The following INPP5A variants were observed in gnomAD, a reference collection of about 807,000 sequenced individuals.
INPP5A encodes inositol polyphosphate-5-phosphatase A, also known as 43 kDa inositol polyphosphate 5-phophatase.
In INPP5A, 14 loss-of-function variants were observed where a neutral mutation model predicts 65.2. The observed-to-expected ratio is 0.21, with a 90% CI of 0.14 to 0.34. The LOEUF is 0.34. Ranked by LOEUF, INPP5A falls within the 10% of genes least tolerant of loss-of-function variation. INPP5A has a pLI of 1.00. For missense variants in INPP5A, 431 were observed against 545.6 expected (o/e 0.79, Z 2.09); for synonymous variants, 207 against 208.3 (o/e 0.99, Z 0.05).
At chr10:132,735,112 T>C (rs539995785) in intron 9 of INPP5A, among the ~76,000 whole-genome samples, 89 of 152,240 alleles carry the variant, frequency 5.8e-4, no homozygotes, top group African/African-American at 2.1e-3. Flanking sequence ...TGGGTTAGAG[T>C]GAGACCCTGT....
chr10:132,599,348 G>A (rs947066599), intron 1 of INPP5A, among the ~76,000 whole-genome samples: 4 of 152,328 alleles, frequency 2.6e-5, no homozygotes, highest in South Asian at 2.1e-4. Flanking sequence ...ATGCAAGTCC[G>A]AAATCCAGCG....
intron 6 of INPP5A, among the ~76,000 whole-genome samples, chr10:132,700,648 C>G (rs892080279): frequency 6.6e-6 from 1 of 152,162 alleles, no homozygotes; most frequent in Non-Finnish European, 1.5e-5. Flanking sequence ...TGGCCGGGCC[C>G]GCCCCTCCCT....
chr10:132,719,883 C>G (rs1221400695), intron 8 of INPP5A, among the ~76,000 whole-genome samples: 2 of 150,196 alleles, frequency 1.3e-5, no homozygotes, highest in African/African-American at 4.9e-5. Flanking sequence ...CCTTAGACGG[C>G]TGTCTTCAGG....
chr10:132,646,078 C>G, intron 3 of INPP5A, 110 bp downstream of exon 3: 1 of 706,888 alleles, frequency 1.4e-6, no homozygotes, highest in Non-Finnish European at 2.5e-6. Flanking sequence ...CGGGACTCAC[C>G]TGGGGGTCAT....
Position 132,699,024 on chromosome 10 carries a change from G to A in INPP5A, c.474+1105G>A, listed in dbSNP as rs567103382. Among the ~76,000 whole-genome samples the A allele has an allele frequency of 1.1e-3, 168 of 152,356 alleles. 2 individuals carry two copies. Among genetic ancestry groups the A allele is most frequent in the African/African-American group, 3.9e-3 (161 of 41,586 alleles). On this transcript the variant is annotated intron_variant, in intron 6 of 15. Coordinates refer to ENST00000368594, the MANE Select transcript of INPP5A (RefSeq NM_005539.5). ...GTCAGTGGGCCAGCCTCCTGTCCTC[G>A]GTCCTGCTTCCGGCACCGCCCGTTT...
intron 11 of INPP5A, among the ~76,000 whole-genome samples, chr10:132,765,153 T>G (rs1479062023): frequency 1.3e-5 from 2 of 149,598 alleles, no homozygotes; most frequent in Non-Finnish European, 1.5e-5. Context: ...GGTGGGAGGG[T>G]GTGTGTGGTG....
At chr10:132,617,122 G>C (rs1040206831) in intron 2 of INPP5A, among the ~76,000 whole-genome samples, 1 of 152,136 alleles carries the variant, frequency 6.6e-6, no homozygotes, top group Admixed American at 6.5e-5. Context: ...CAAACACCGC[G>C]CCCTGGTTGG....
chr10:132,775,461 C>T (rs1847048594), intron 12 of INPP5A, among the ~76,000 whole-genome samples: 1 of 152,140 alleles, frequency 6.6e-6, no homozygotes. Flanking sequence ...GCACCTCCCA[C>T]CTGTGGGTAC....
At chr10:132,749,222 T>G (rs1163897519) in intron 9 of INPP5A, among the ~76,000 whole-genome samples, 2 of 152,256 alleles carry the variant, frequency 1.3e-5, no homozygotes, top group African/African-American at 4.8e-5. Context: ...CTTCCGAGCC[T>G]GCTGGTGTCG....
intron 1 of INPP5A, among the ~76,000 whole-genome samples, chr10:132,606,869 C>T (rs930028278): frequency 5.3e-5 from 8 of 152,244 alleles, no homozygotes; most frequent in African/African-American, 1.7e-4. Flanking sequence ...AATTTACCAC[C>T]TTAACCGTTT....
At chr10:132,560,816 G>C (rs1004999678) in intron 1 of INPP5A, among the ~76,000 whole-genome samples, 2 of 151,936 alleles carry the variant, frequency 1.3e-5, no homozygotes, top group African/African-American at 4.8e-5. Context: ...TTGCTATGCT[G>C]TAGTCTGGTA....
intron 2 of INPP5A, among the ~76,000 whole-genome samples, chr10:132,628,160 T>C (rs553500603): frequency 6.6e-6 from 1 of 152,324 alleles, no homozygotes; most frequent in Admixed American, 6.5e-5. Flanking sequence ...GACAGTGTGA[T>C]CCTTGTCTGC....
chr10:132,632,409 C>T (rs1305432088), intron 2 of INPP5A, among the ~76,000 whole-genome samples: 10 of 152,190 alleles, frequency 6.6e-5, no homozygotes, highest in African/African-American at 2.4e-4. Context: ...TGGCTGGTGT[C>T]ACCTCACTCT....
Position 132,596,976 on chromosome 10 carries a change from C to CGT in INPP5A, c.76-10933_76-10932dup, listed in dbSNP as rs796221835. 4.5e-3 allele frequency among the ~76,000 whole-genome samples: 587 copies of CGT among 131,332 alleles called. 4 individuals carry two copies. The highest frequency in any genetic ancestry group is 0.016 in the African/African-American group (561 of 34,394). The allele number at this position is 131,332 out of a possible 152,430, so 86.2% of individuals were successfully genotyped here. A position where few individuals can be genotyped will look rare whatever the true frequency, so the allele number is the denominator to read the frequency against. On this transcript the variant is annotated intron_variant, in intron 1 of 15. Transcript: ENST00000368594. ...GCACACATGTGTGCGTGTGTGCATG[C>CGT]GTGTGTGCATGCACGTGTGTTTGTG...
chr10:132,701,669 A>C (rs1845439480), intron 6 of INPP5A, among the ~76,000 whole-genome samples: 1 of 152,184 alleles, frequency 6.6e-6, no homozygotes, highest in Non-Finnish European at 1.5e-5. Flanking sequence ...TGGGGTGCTC[A>C]GGTGCGCCCG....
chr10:132,607,797 T>C, intron 1 of INPP5A, 118 bp from the exon 2 acceptor site: 1 of 995,672 alleles, frequency 1.0e-6, no homozygotes, highest in Non-Finnish European at 1.5e-6. Flanking sequence ...CCATGCGGGG[T>C]GGGCCCGGGC....
At chr10:132,724,594 C>T (rs1193480821) in intron 8 of INPP5A, among the ~76,000 whole-genome samples, 1 of 152,136 alleles carries the variant, frequency 6.6e-6, no homozygotes, top group Non-Finnish European at 1.5e-5. Context: ...CAAGGAGGCC[C>T]CAGGCCAGCA....
chr10:132,608,331 G>A (rs569674707), intron 2 of INPP5A, among the ~76,000 whole-genome samples: 3 of 152,252 alleles, frequency 2.0e-5, no homozygotes, highest in Non-Finnish European at 1.5e-5. Context: ...GGTCCGGTCC[G>A]TGCAGCGCAC....
chr10:132,565,273 C>A (rs1023108537), intron 1 of INPP5A, among the ~76,000 whole-genome samples: 1 of 152,156 alleles, frequency 6.6e-6, no homozygotes, highest in African/African-American at 2.4e-5. Flanking sequence ...CCACACCTGG[C>A]CAGTTTTAAG....
Sources: gnomAD v4.1 joint callset for allele counts (sites outside exome capture counted in the v4.1 genomes callset) on GRCh38, gnomAD v4.1.1 for gene constraint, MANE v1.5 for transcripts, NCBI Gene and HGNC (gene_info 2026-07-23, HGNC 2026-07-21) for gene names.